Variants in CENATAC observed in about 807,000 individuals in gnomAD.
CENATAC encodes the protein coiled-coil domain containing 84.
A neutral mutation model predicts 53.7 loss-of-function variants in CENATAC; 53 were observed. The ratio of observed to expected loss-of-function variants is 0.99; its 90% confidence interval spans 0.79 to 1.24. The LOEUF (loss-of-function observed/expected upper bound fraction) is 1.24. Among genes scored for constraint, CENATAC ranks in the 50% most tolerant of loss-of-function variants. CENATAC has a pLI of 0.00. For missense variants in CENATAC, 474 were observed against 417.8 expected (o/e 1.13, Z -1.17); for synonymous variants, 156 against 144.6 (o/e 1.08, Z -0.57).
chr11:119,015,152 G>C, intron 9 of CENATAC, 69 bp downstream of exon 9: 1 of 1,479,892 alleles, frequency 6.8e-7, no homozygotes, highest in Non-Finnish European at 9.4e-7. Flanking sequence ...TTGCCTGTGT[G>C]TGGTGGCTCA....
intron 3 of CENATAC, chr11:119,001,493 G>C (rs1389503089): frequency 2.5e-6 from 1 of 404,016 alleles, no homozygotes; most frequent in Non-Finnish European, 5.0e-6. Context: ...CCGGGTTCAA[G>C]CGATTCTCCC....
chr11:119,009,327 A>G (rs1942757238), intron 3 of CENATAC, among the ~76,000 whole-genome samples: 1 of 152,100 alleles, frequency 6.6e-6, no homozygotes, highest in South Asian at 2.1e-4. Context: ...GGGTTTCACT[A>G]TGTTGGCCAG....
intron 4 of CENATAC, 63 bp from the exon 5 acceptor site, chr11:119,011,158 A>C: frequency 1.7e-5 from 24 of 1,394,484 alleles, no homozygotes; most frequent in Non-Finnish European, 2.2e-5. Flanking sequence ...AGTTAAAGGA[A>C]AGGCCTCTGA....
rs782482576 is a variant in CENATAC, at chr11:119,015,528, T to C, written c.939-10T>C. 31 of 1,613,536 alleles carry C rather than the reference T, an allele frequency of 1.9e-5. No individual in the cohort carries two copies. Among genetic ancestry groups the C allele is most frequent in the Non-Finnish European group, 2.5e-5 (29 of 1,179,584 alleles). The stretch of plus-strand genomic sequence containing the variant: ...CTTCATCATCGTGTTAACCCTTTAT[T>C]TCCTTTCAGACATCAATTCAAAACT... On this transcript the variant is annotated splice_polypyrimidine_tract_variant and intron_variant, in intron 10 of 10. Transcript: ENST00000334418.
At chr11:119,014,964 A>G in intron 8 of CENATAC, 30 bp from the exon 9 acceptor site, 2 of 1,510,350 alleles carry the variant, frequency 1.3e-6, no homozygotes, top group Non-Finnish European at 1.8e-6. Flanking sequence ...GACTTAAAAA[A>G]AAAAAAAAAA....
chr11:119,011,019 T>C (rs1942843805), intron 4 of CENATAC, among the ~76,000 whole-genome samples, 189 bp downstream of exon 4: 1 of 152,102 alleles, frequency 6.6e-6, no homozygotes, highest in Non-Finnish European at 1.5e-5. Flanking sequence ...TTCACAATAG[T>C]GTTTGTGCTC....
intron 9 of CENATAC, 104 bp downstream of exon 9, chr11:119,015,187 A>C (rs1163104119): frequency 6.9e-7 from 1 of 1,442,110 alleles, no homozygotes; most frequent in Non-Finnish European, 9.5e-7. Context: ...GCATTTTGGG[A>C]GGCTGAGGTG....
Position 119,015,665 on chromosome 11 carries a change from C to A in CENATAC, c.*67C>A. ...AACAAACCCCTATTATACCTTCCAC[C>A]AAATTCTTTATCATTGTCTTTCTTA... On this transcript the variant is annotated 3_prime_UTR_variant, in exon 11 of 11. Coordinates refer to ENST00000334418, the MANE Select transcript of CENATAC (RefSeq NM_198489.3). The A allele has an allele frequency of 6.7e-7, 1 of 1,487,232 alleles. No homozygotes were observed. Among genetic ancestry groups the A allele is most frequent in the Non-Finnish European group, 9.3e-7 (1 of 1,070,434 alleles). 92.1% of individuals were successfully genotyped at this position (1,487,232 alleles called of 1,614,324 possible).
intron 3 of CENATAC, 116 bp from the exon 4 acceptor site, chr11:119,010,648 A>G (rs904543130): frequency 2.3e-6 from 2 of 869,546 alleles, no homozygotes; most frequent in Non-Finnish European, 3.7e-6. Context: ...TGCTTACTAT[A>G]CTGTTTTGTT....
chr11:119,001,383 T>C (rs1388617329), intron 3 of CENATAC, among the ~76,000 whole-genome samples: 2 of 152,212 alleles, frequency 1.3e-5, no homozygotes, highest in Non-Finnish European at 2.9e-5. Flanking sequence ...TGTGTAAGTT[T>C]TGATAAATTT....
At chr11:118,999,819 T>A (rs1023467993) in intron 3 of CENATAC, among the ~76,000 whole-genome samples, 1 of 152,182 alleles carries the variant, frequency 6.6e-6, no homozygotes, top group African/African-American at 2.4e-5. Context: ...ATTTTTTGTA[T>A]TTTTAGTAGA....
At chr11:118,999,305 A>C in intron 3 of CENATAC, 196 bp downstream of exon 3, 2 of 538,676 alleles carry the variant, frequency 3.7e-6, no homozygotes, top group Non-Finnish European at 6.7e-6. Context: ...GGGGGATAGG[A>C]TTTAGCAAAT....
chr11:119,008,118 C>T (rs995870838), intron 3 of CENATAC, among the ~76,000 whole-genome samples: 6 of 152,036 alleles, frequency 3.9e-5, no homozygotes, highest in Admixed American at 6.6e-5. Context: ...GGTGGCCTGC[C>T]CCTCCACACC....
chr11:119,006,571 G>A lies in CENATAC; in HGVS notation c.384-4193G>A, dbSNP rs532001141. On this transcript the variant is annotated intron_variant, in intron 3 of 10. Transcript: ENST00000334418. ...TTTTTAGTAGAGATGGGGTTTCACCGTGTTGGCCAGGATGGTCTCGATCTC... is the reference window on the plus strand; with the variant it reads ...TTTTTAGTAGAGATGGGGTTTCACCATGTTGGCCAGGATGGTCTCGATCTC... Among the ~76,000 whole-genome samples, 869 of 150,390 alleles carry A rather than the reference G, an allele frequency of 5.8e-3. 8 individuals are homozygous for A. The highest frequency in any genetic ancestry group is 0.014 in the Middle Eastern group (4 of 288).
At chr11:119,014,410 C>T (rs1465675498) in intron 8 of CENATAC, 1 of 152,244 alleles carries the variant, frequency 6.6e-6, no homozygotes, top group Non-Finnish European at 1.5e-5. Flanking sequence ...GGTGAAACCC[C>T]ATCTCTACTA....
At chr11:119,010,647 T>C (rs1246460241) in intron 3 of CENATAC, 117 bp from the exon 4 acceptor site, 1 of 863,830 alleles carries the variant, frequency 1.2e-6, no homozygotes, top group Non-Finnish European at 1.9e-6. Context: ...GTGCTTACTA[T>C]ACTGTTTTGT....
In CENATAC at chr11:119,011,115, A is replaced by G. The variant is rs1163197503; in HGVS notation, c.451-106A>G. The G allele has an allele frequency of 3.3e-5, 30 of 918,712 alleles. No individual in the cohort carries two copies. In the Admixed American group the frequency reaches 5.9e-4, roughly 18 times the overall value. The allele number at this position is 918,712 out of a possible 1,614,324, so 56.9% of individuals were successfully genotyped here. A position where few individuals can be genotyped will look rare whatever the true frequency, so the allele number is the denominator to read the frequency against. On this transcript the variant is annotated intron_variant, in intron 4 of 10. Transcript: ENST00000334418. ...CCTGCTTCCTGACAGGCCACAGACC[A>G]GTACTGGTCCACGCCTGGGGGTGGA...
chr11:119,003,233 G>A, intron 3 of CENATAC: 1 of 534,816 alleles, frequency 1.9e-6, no homozygotes, highest in Non-Finnish European at 3.7e-6. Context: ...ACTTGATGAT[G>A]CATAGTGGTC....
chr11:118,998,174 G>A lies in CENATAC; in HGVS notation c.-24G>A, dbSNP rs1186608224. ...GATGGCGTAGGATCGGCCGCTGGTG[G>A]TGGTGATACCGGGTACCCGGGCTAT... is the stretch of plus-strand genomic sequence containing the variant. On this transcript the variant is annotated 5_prime_UTR_variant, in exon 1 of 11. The change creates a new upstream start codon in the 5' untranslated region. Coordinates refer to ENST00000334418, the MANE Select transcript of CENATAC (RefSeq NM_198489.3). 6.4e-7 allele frequency: 1 copy of A among 1,569,598 alleles called. No individual in the cohort carries two copies. Among genetic ancestry groups the A allele is most frequent in the Non-Finnish European group, 8.6e-7 (1 of 1,160,532 alleles).
Sources: allele counts gnomAD v4.1 joint callset (sites outside exome capture counted in the v4.1 genomes callset), GRCh38; gene constraint gnomAD v4.1.1; transcripts MANE v1.5; gene names NCBI Gene and HGNC (gene_info 2026-07-23, HGNC 2026-07-21).